Variants in LPAR1 observed in about 807,000 individuals in gnomAD.
LPAR1 encodes the protein lysophosphatidic acid receptor 1.
LPAR1 carries 5 observed loss-of-function variants against 23.8 expected under a neutral mutation model. The ratio of observed to expected loss-of-function variants is 0.21; its 90% CI spans 0.11 to 0.44. The LOEUF (loss-of-function observed/expected upper bound fraction) is 0.44, where lower values mean the gene tolerates loss of function less well. Ranked by LOEUF, LPAR1 falls within the 20% of genes least tolerant of loss-of-function variation. The pLI, the probability that LPAR1 is intolerant of heterozygous loss-of-function variation, is 0.99. For synonymous variants in LPAR1, 160 were observed against 164.7 expected (o/e 0.97, Z 0.22); for missense variants, 311 against 482.8 (o/e 0.64, Z 3.33).
At chr9:111,008,000 C>T (rs899609078) in intron 2 of LPAR1, among the ~76,000 whole-genome samples, 7 of 152,046 alleles carry the variant, frequency 4.6e-5, no homozygotes, top group African/African-American at 1.2e-4. Context: ...ATGGTGAAAC[C>T]CCATCTCTAC....
At chr9:110,891,258 T>G (rs1420927255) in intron 5 of LPAR1, among the ~76,000 whole-genome samples, 1 of 152,186 alleles carries the variant, frequency 6.6e-6, no homozygotes, top group African/African-American at 2.4e-5. Flanking sequence ...AATAAATATT[T>G]GCAAGATAAT....
intron 2 of LPAR1, among the ~76,000 whole-genome samples, chr9:111,010,001 ATATATATATATAT>A (rs2097299672): frequency 4.6e-4 from 1 of 2,192 alleles, no homozygotes; most frequent in African/African-American, 1.7e-3. Flanking sequence ...TTAGGAAAAT[ATATATATATATAT>A]ATATATATAT....
chr9:111,033,954 A>G (rs757564604), intron 2 of LPAR1, among the ~76,000 whole-genome samples: 12 of 152,310 alleles, frequency 7.9e-5, no homozygotes, highest in Admixed American at 4.6e-4. Context: ...GCAACTGAAA[A>G]CCAGTGTATA....
chr9:110,959,100 T>C (rs1247940005), intron 4 of LPAR1, among the ~76,000 whole-genome samples: 8 of 139,848 alleles, frequency 5.7e-5, no homozygotes, highest in Admixed American at 5.5e-4. Flanking sequence ...AGGGAACTCT[T>C]ATACAGTGTT....
intron 4 of LPAR1, among the ~76,000 whole-genome samples, chr9:110,947,131 G>C (rs2095411028): frequency 6.6e-6 from 1 of 152,100 alleles, no homozygotes; most frequent in African/African-American, 2.4e-5. Flanking sequence ...ATGTAGGTGA[G>C]ATTATAGATG....
intron 5 of LPAR1, among the ~76,000 whole-genome samples, chr9:110,934,099 G>A (rs2094549395): frequency 6.6e-6 from 1 of 152,174 alleles, no homozygotes; most frequent in African/African-American, 2.4e-5. Context: ...ATTCGCTCAG[G>A]TTCTTCCTCA....
intron 2 of LPAR1, among the ~76,000 whole-genome samples, chr9:111,026,354 T>C (rs1271558692): frequency 6.6e-6 from 1 of 152,236 alleles, no homozygotes; most frequent in African/African-American, 2.4e-5. Context: ...ATAGGAATGC[T>C]TGTGATTTTT....
At position 110,972,224 on chromosome 9, in the gene LPAR1, G is replaced by T; in HGVS notation, c.-103-4C>A. On this transcript the variant is annotated splice_region_variant and splice_polypyrimidine_tract_variant and intron_variant, in intron 3 of 5. Coordinates refer to ENST00000683809, the MANE Select transcript of LPAR1 (RefSeq NM_001351411.2). ...CATGCTAGGAGAAGCTGTGTACCTGGAAAACAACAGGAAAACCCACATTTA... is the reference window on the plus strand; with the variant it reads ...CATGCTAGGAGAAGCTGTGTACCTGTAAAACAACAGGAAAACCCACATTTA... 1.0e-6 allele frequency: 1 copy of T among 963,552 alleles called. No homozygotes were observed. Among genetic ancestry groups the T allele is most frequent in the Non-Finnish European group, 1.7e-6 (1 of 598,382 alleles). 59.7% of individuals were successfully genotyped at this position (963,552 alleles called of 1,614,324 possible).
At chr9:110,978,149 G>T (rs1338722803) in intron 2 of LPAR1, among the ~76,000 whole-genome samples, 1 of 152,068 alleles carries the variant, frequency 6.6e-6, no homozygotes, top group Non-Finnish European at 1.5e-5. Flanking sequence ...AATTCCAGGG[G>T]ACATAGTAGA....
At chr9:111,027,093 G>C (rs902943348) in intron 2 of LPAR1, among the ~76,000 whole-genome samples, 3 of 152,144 alleles carry the variant, frequency 2.0e-5, no homozygotes, top group African/African-American at 7.2e-5. Context: ...AATAGTTTCA[G>C]AAGGAATGGT....
chr9:110,947,475 T>C (rs1291857445), intron 4 of LPAR1, among the ~76,000 whole-genome samples: 2 of 152,208 alleles, frequency 1.3e-5, no homozygotes, highest in African/African-American at 2.4e-5. Flanking sequence ...CTCTATAGAG[T>C]AGATGTTACA....
intron 5 of LPAR1, among the ~76,000 whole-genome samples, chr9:110,919,261 G>A (rs774807023): frequency 2.0e-5 from 3 of 149,374 alleles, no homozygotes; most frequent in Non-Finnish European, 4.4e-5. Flanking sequence ...CCCTGCCTCC[G>A]CCCATTGCTG....
chr9:111,038,498 AG>A (rs1451479129), upstream of LPAR1: 3 of 399,902 alleles, frequency 7.5e-6, no homozygotes, highest in Non-Finnish European at 1.5e-5. The surrounding 1 kb of genome is among the most constrained non-coding windows in gnomAD (Gnocchi z 4.4). Flanking sequence ...TGGCAGGAGG[AG>A]GGGGCGCAGA....
intron 2 of LPAR1, among the ~76,000 whole-genome samples, chr9:110,997,518 T>G (rs2097037895): frequency 6.6e-6 from 1 of 152,208 alleles, no homozygotes; most frequent in African/African-American, 2.4e-5. Context: ...TCTTCTCCTA[T>G]CAACTCTCAA....
chr9:110,898,362 A>G (rs1244120940), intron 5 of LPAR1, among the ~76,000 whole-genome samples: 1 of 152,214 alleles, frequency 6.6e-6, no homozygotes, highest in African/African-American at 2.4e-5. Context: ...TGAAGTAAAA[A>G]CTTTTTTATG....
chr9:110,993,384 T>A (rs1411308902), intron 2 of LPAR1, among the ~76,000 whole-genome samples: 1 of 152,130 alleles, frequency 6.6e-6, no homozygotes, highest in Non-Finnish European at 1.5e-5. Flanking sequence ...AGTTTTTAAG[T>A]TTTTTCCTGG....
intron 5 of LPAR1, among the ~76,000 whole-genome samples, chr9:110,930,007 T>C (rs2094299200): frequency 6.6e-6 from 1 of 152,172 alleles, no homozygotes; most frequent in African/African-American, 2.4e-5. Context: ...CTGTGAATTC[T>C]ACTGCTGTAA....
intron 2 of LPAR1, among the ~76,000 whole-genome samples, chr9:110,979,011 G>A (rs1449927267): frequency 6.6e-6 from 1 of 152,044 alleles, no homozygotes; most frequent in African/African-American, 2.4e-5. Context: ...AATAAGGTCA[G>A]ATCCATCGTG....
At chr9:110,928,137 T>A (rs1309301846) in intron 5 of LPAR1, among the ~76,000 whole-genome samples, 1 of 152,140 alleles carries the variant, frequency 6.6e-6, no homozygotes, top group African/African-American at 2.4e-5. Flanking sequence ...AGAAGGACAA[T>A]ACACTGAACA....
Sources: gnomAD v4.1 joint callset for allele counts (sites outside exome capture counted in the v4.1 genomes callset) on GRCh38, gnomAD v4.1.1 for gene constraint, Gnocchi (gnomAD v3.1) non-coding constraint, MANE v1.5 for transcripts, NCBI Gene and HGNC (gene_info 2026-07-23, HGNC 2026-07-21) for gene names.